The following FRAS1 variants were observed in gnomAD, a reference collection of about 807,000 sequenced individuals.
FRAS1 encodes extracellular matrix organizing protein FRAS1.
A neutral mutation model predicts 435.2 loss-of-function variants in FRAS1; 290 were observed. The ratio of observed to expected loss-of-function variants is 0.67; its 90% confidence interval spans 0.61 to 0.73. FRAS1 has a LOEUF of 0.73. Ranked by LOEUF, FRAS1 falls within the 30% of genes least tolerant of loss-of-function variation. FRAS1 has a pLI of 0.00. For missense variants in FRAS1, 4,860 were observed against 5,001.5 expected (o/e 0.97, Z 0.85); for synonymous variants, 1,800 against 1,851.0 (o/e 0.97, Z 0.71).
At chr4:78,282,389 G>A (rs993980248) in intron 11 of FRAS1, among the ~76,000 whole-genome samples, 28 of 152,236 alleles carry the variant, frequency 1.8e-4, no homozygotes, top group African/African-American at 5.5e-4. Context: ...GTAACCATAG[G>A]GAAATTCAGG....
At chr4:78,538,925 A>T (rs796560926) in intron 72 of FRAS1, among the ~76,000 whole-genome samples, 25 of 149,616 alleles carry the variant, frequency 1.7e-4, no homozygotes, top group African/African-American at 6.2e-4. Flanking sequence ...ACTGCACTCC[A>T]GCCTGGGCGA....
intron 14 of FRAS1, among the ~76,000 whole-genome samples, chr4:78,290,373 GGA>G (rs987423893): frequency 6.6e-6 from 1 of 152,142 alleles, no homozygotes; most frequent in African/African-American, 2.4e-5. Context: ...GATGTTATGG[GGA>G]GCCTGGCCCC....
chr4:78,123,318 TC>T (rs1412847546), intron 2 of FRAS1, among the ~76,000 whole-genome samples: 2 of 152,202 alleles, frequency 1.3e-5, no homozygotes, highest in Non-Finnish European at 2.9e-5. Flanking sequence ...AGGCCTCTGT[TC>T]GGATCCATTG....
At chr4:78,359,038 G>T (rs393285) in intron 20 of FRAS1, among the ~76,000 whole-genome samples, 122,408 of 152,202 alleles carry the variant, frequency 0.8, 49,886 homozygotes, top group African/African-American at 0.93. Flanking sequence ...CTACCATGCT[G>T]AGGGTGATTT....
intron 71 of FRAS1, among the ~76,000 whole-genome samples, chr4:78,534,950 CA>C (rs1721834720): frequency 6.6e-6 from 1 of 152,154 alleles, no homozygotes; most frequent in African/African-American, 2.4e-5. Flanking sequence ...CATTGCCTCC[CA>C]GTCTCAAAAC....
chr4:78,242,940 A>C (rs1725069907), intron 3 of FRAS1, among the ~76,000 whole-genome samples: 1 of 152,150 alleles, frequency 6.6e-6, no homozygotes, highest in Non-Finnish European at 1.5e-5. Context: ...AGCTAGCTGG[A>C]TAGGGACAGA....
intron 6 of FRAS1, among the ~76,000 whole-genome samples, chr4:78,261,777 C>G (rs1240789731): frequency 1.3e-5 from 2 of 152,188 alleles, no homozygotes; most frequent in Non-Finnish European, 2.9e-5. Context: ...TAAAAAAACA[C>G]TCAGGTTTAA....
At chr4:78,131,671 G>A (rs970976942) in intron 2 of FRAS1, among the ~76,000 whole-genome samples, 2 of 152,152 alleles carry the variant, frequency 1.3e-5, no homozygotes, top group African/African-American at 4.8e-5. Flanking sequence ...GTGTCTCTCC[G>A]AGTGATTTTA....
chr4:78,277,399 G>A (rs2110172888), intron 9 of FRAS1, among the ~76,000 whole-genome samples: 1 of 152,232 alleles, frequency 6.6e-6, no homozygotes, highest in African/African-American at 2.4e-5. Flanking sequence ...CCTGTCTTCT[G>A]CATCACTCAT....
Position 78,318,820 on chromosome 4 carries a change from C to T in FRAS1, c.1971C>T (p.Ser657=), listed in dbSNP as rs746198539. The change falls in exon 18 of 74, where the codon TCC becomes TCT. Residue 657 remains serine (S), a synonymous_variant. Transcript: ENST00000512123. ...TATTTCCATTTGCAGCCTGTCACTC[C>T]TCCTGCCTGGCTTGTATGGGTCCCG... ...SDHGVCKACH[S]SCLACMGPAP... 1 of 1,567,832 alleles carries T rather than the reference C, an allele frequency of 6.4e-7. No individual in the cohort carries two copies. Among genetic ancestry groups the T allele is most frequent in the South Asian group, 1.2e-5 (1 of 84,238 alleles).
At chr4:78,072,077 C>T (rs1740384790) in intron 2 of FRAS1, 1 of 151,612 alleles carries the variant, frequency 6.6e-6, no homozygotes, top group Non-Finnish European at 1.5e-5. Context: ...TGGATCAATG[C>T]TTTCTTGAAT....
intron 30 of FRAS1, among the ~76,000 whole-genome samples, chr4:78,403,056 T>G (rs1732959524): frequency 6.6e-6 from 1 of 152,224 alleles, no homozygotes; most frequent in Non-Finnish European, 1.5e-5. Context: ...TTTCCATTTG[T>G]AATTAGTAAG....
At chr4:78,362,740 G>A (rs1242540879) in intron 20 of FRAS1, among the ~76,000 whole-genome samples, 1 of 152,188 alleles carries the variant, frequency 6.6e-6, no homozygotes, top group Non-Finnish European at 1.5e-5. Context: ...GTTGAGTGAT[G>A]AAAACATTTC....
At chr4:78,326,053 G>A (rs1422947615) in intron 18 of FRAS1, among the ~76,000 whole-genome samples, 1 of 152,180 alleles carries the variant, frequency 6.6e-6, no homozygotes. Flanking sequence ...CGTACTTTAT[G>A]TGCTGTGCTA....
intron 32 of FRAS1, among the ~76,000 whole-genome samples, chr4:78,414,386 A>G (rs913103177): frequency 1.3e-5 from 2 of 152,220 alleles, no homozygotes; most frequent in African/African-American, 4.8e-5. Flanking sequence ...GAGACTTTTC[A>G]AGTCACTTAG....
At chr4:78,134,347 G>T (rs1719832571) in intron 2 of FRAS1, among the ~76,000 whole-genome samples, 1 of 151,934 alleles carries the variant, frequency 6.6e-6, no homozygotes, top group Non-Finnish European at 1.5e-5. Flanking sequence ...TTCTTCATCT[G>T]CTGTCCATTT....
chr4:78,315,723 G>A lies in FRAS1; in HGVS notation c.1808G>A (p.Gly603Asp). The change falls in exon 16 of 74, where the codon GGC becomes GAC. Residue 603 changes from glycine to aspartate, a missense_variant. Physicochemically the swap from Gly to Asp is moderately conservative, Grantham distance 94. Transcript: ENST00000512123. ...GGCGGGTACTATGCTGATGCCACTGGCAGGTGCAAAGGTAAGAGATGGGTC... is the reference window on the plus strand; with the variant it reads ...GGCGGGTACTATGCTGATGCCACTGACAGGTGCAAAGGTAAGAGATGGGTC... ...CPGGYYADAT[G>D]RCKVCHNSCA... 1.2e-6 allele frequency: 2 copies of A among 1,613,980 alleles called. No individual in the cohort carries two copies. Among genetic ancestry groups the A allele is most frequent in the South Asian group, 1.1e-5 (1 of 91,078 alleles).
At chr4:78,206,387 G>T (rs1723258131) in intron 2 of FRAS1, among the ~76,000 whole-genome samples, 1 of 152,126 alleles carries the variant, frequency 6.6e-6, no homozygotes, top group Non-Finnish European at 1.5e-5. Flanking sequence ...TAAGAAAGAA[G>T]CTGCCCAGCT....
chr4:78,100,284 G>A (rs1468242981), intron 2 of FRAS1, among the ~76,000 whole-genome samples: 9 of 152,118 alleles, frequency 5.9e-5, no homozygotes, highest in African/African-American at 1.2e-4. Flanking sequence ...GGTACTCCAG[G>A]GATTCTTCAG....
Sources: gnomAD v4.1 joint callset for allele counts (sites outside exome capture counted in the v4.1 genomes callset) on GRCh38, gnomAD v4.1.1 for gene constraint, MANE v1.5 for transcripts, NCBI Gene and HGNC (gene_info 2026-07-23, HGNC 2026-07-21) for gene names.